Variants in AUTS2 observed in about 807,000 individuals in gnomAD.
AUTS2 encodes activator of transcription and developmental regulator AUTS2, also known as autism susceptibility gene 2 protein.
A neutral mutation model predicts 112.4 loss-of-function variants in AUTS2; 17 were observed. The observed-to-expected ratio is 0.15, with a 90% CI of 0.10 to 0.23. AUTS2 has a LOEUF of 0.23. Ranked by LOEUF, AUTS2 falls within the 10% of genes least tolerant of loss-of-function variation. AUTS2 has a pLI of 1.00. For synonymous variants in AUTS2, 751 were observed against 702.7 expected (o/e 1.07, Z -1.09); for missense variants, 1,510 against 1,701.6 (o/e 0.89, Z 1.98).
intron 4 of AUTS2, among the ~76,000 whole-genome samples, chr7:70,422,482 T>G (rs890181057): frequency 6.6e-6 from 1 of 152,122 alleles, no homozygotes; most frequent in Non-Finnish European, 1.5e-5. Context: ...CACCTCAAAA[T>G]TATATCCATG....
intron 4 of AUTS2, among the ~76,000 whole-genome samples, chr7:70,326,017 T>C (rs1008179688): frequency 1.3e-5 from 2 of 152,214 alleles, no homozygotes; most frequent in Non-Finnish European, 2.9e-5. Context: ...CTTCAGTTTC[T>C]CTGCCTGCTT....
intron 2 of AUTS2, among the ~76,000 whole-genome samples, chr7:70,093,181 A>T (rs2129568036): frequency 6.6e-6 from 1 of 152,232 alleles, no homozygotes; most frequent in Admixed American, 6.5e-5. Flanking sequence ...TTTCAGACAG[A>T]TCAATTACTT....
At chr7:70,492,231 A>G (rs1798278346) in intron 5 of AUTS2, among the ~76,000 whole-genome samples, 2 of 152,084 alleles carry the variant, frequency 1.3e-5, no homozygotes, top group East Asian at 1.9e-4. Context: ...AGGTCCTCCA[A>G]ACTTCCAAGA....
chr7:69,668,917 C>A (rs898981954), intron 1 of AUTS2, among the ~76,000 whole-genome samples: 24 of 151,876 alleles, frequency 1.6e-4, no homozygotes, highest in African/African-American at 5.6e-4. Context: ...ATGTAAAAAT[C>A]ATTTGTTGGT....
intron 1 of AUTS2, among the ~76,000 whole-genome samples, chr7:69,723,602 CTGGTATTA>C (rs1799077997): frequency 6.6e-6 from 1 of 152,094 alleles, no homozygotes; most frequent in Non-Finnish European, 1.5e-5. Context: ...AGACTAAGGA[CTGGTATTA>C]TGGATTCTCT....
At chr7:70,554,393 C>CTTTTTTTTTTTTTT (rs34757734) in intron 5 of AUTS2, among the ~76,000 whole-genome samples, 17 of 116,042 alleles carry the variant, frequency 1.5e-4, no homozygotes, top group Non-Finnish European at 2.3e-4. Context: ...TCTTTTCTTT[C>CTTTTTTTTTTTTTT]TTTTTTTTTT....
chr7:70,748,814 T>C (rs895050504), intron 6 of AUTS2, among the ~76,000 whole-genome samples: 2 of 152,226 alleles, frequency 1.3e-5, no homozygotes, highest in Non-Finnish European at 2.9e-5. Flanking sequence ...TTTGTTCTCC[T>C]GTGAGGCAGC....
intron 2 of AUTS2, among the ~76,000 whole-genome samples, chr7:69,934,327 C>CAG: frequency 6.6e-6 from 1 of 152,232 alleles, no homozygotes; most frequent in Non-Finnish European, 1.5e-5. Flanking sequence ...ATGTTCCTGT[C>CAG]ACAGCATGTG....
intron 2 of AUTS2, among the ~76,000 whole-genome samples, chr7:70,083,238 T>G (rs1044380223): frequency 6.6e-6 from 1 of 152,142 alleles, no homozygotes; most frequent in African/African-American, 2.4e-5. Context: ...CCCACGAGTT[T>G]CCTCTCACTG....
chr7:70,693,726 T>A (rs537882123), intron 5 of AUTS2, among the ~76,000 whole-genome samples: 2 of 152,344 alleles, frequency 1.3e-5, no homozygotes, highest in Admixed American at 1.3e-4. Flanking sequence ...ACTGGCTTGG[T>A]GGCAATTCAA....
chr7:70,714,823 A>G lies in AUTS2; in HGVS notation c.742+16203A>G, dbSNP rs144893292. ...GGCAAGAAAACTTCATAGGCATTGCAACGAACCTCATGTTGCCTCACATCT... is the reference window on the plus strand; with the variant it reads ...GGCAAGAAAACTTCATAGGCATTGCGACGAACCTCATGTTGCCTCACATCT... On this transcript the variant is annotated intron_variant, in intron 6 of 18. Transcript: ENST00000342771. 1.9e-3 allele frequency among the ~76,000 whole-genome samples: 285 copies of G among 152,354 alleles called. 2 individuals carry two copies. The highest frequency in any genetic ancestry group is 3.0e-3 in the Admixed American group (46 of 15,304).
chr7:69,665,135 C>A (rs1014382), intron 1 of AUTS2, among the ~76,000 whole-genome samples: 108,226 of 151,928 alleles, frequency 0.71, 38,612 homozygotes, highest in East Asian at 0.78. Flanking sequence ...TCTGTCACTC[C>A]TCCCTCTCCC....
intron 5 of AUTS2, among the ~76,000 whole-genome samples, chr7:70,447,518 A>G (rs1008099290): frequency 5.9e-5 from 9 of 152,260 alleles, no homozygotes; most frequent in Admixed American, 4.6e-4. Context: ...ATTATCCCCC[A>G]TTTACAGAGG....
chr7:70,046,634 G>A (rs1485647235), intron 2 of AUTS2, among the ~76,000 whole-genome samples: 1 of 152,138 alleles, frequency 6.6e-6, no homozygotes, highest in African/African-American at 2.4e-5. Flanking sequence ...TCATTTATTG[G>A]AACATATGAT....
intron 4 of AUTS2, among the ~76,000 whole-genome samples, chr7:70,325,229 C>G (rs1409282361): frequency 6.6e-6 from 1 of 151,932 alleles, no homozygotes; most frequent in African/African-American, 2.4e-5. Flanking sequence ...GAGACTGAGG[C>G]GGGAGCATCG....
At chr7:69,977,833 A>G (rs1798123227) in intron 2 of AUTS2, among the ~76,000 whole-genome samples, 1 of 152,116 alleles carries the variant, frequency 6.6e-6, no homozygotes, top group African/African-American at 2.4e-5. Flanking sequence ...AGACCTATAA[A>G]ATGAAAACTC....
chr7:69,885,575 C>T (rs941891174), intron 1 of AUTS2, among the ~76,000 whole-genome samples: 3 of 152,122 alleles, frequency 2.0e-5, no homozygotes, highest in African/African-American at 7.2e-5. Context: ...CTAATCTTGG[C>T]ACTTAGAAAT....
intron 4 of AUTS2, among the ~76,000 whole-genome samples, chr7:70,338,703 C>T (rs1372612956): frequency 6.6e-6 from 1 of 152,118 alleles, no homozygotes; most frequent in Non-Finnish European, 1.5e-5. Flanking sequence ...CTGGAGAGGA[C>T]ATGTGGTTTC....
intron 2 of AUTS2, among the ~76,000 whole-genome samples, chr7:69,902,891 C>T (rs560268824): frequency 7.2e-5 from 11 of 152,210 alleles, no homozygotes; most frequent in African/African-American, 2.6e-4. Flanking sequence ...TGAGGTGGCA[C>T]CTGTCTTGGC....
Sources: gnomAD v4.1 joint callset for allele counts (sites outside exome capture counted in the v4.1 genomes callset) on GRCh38, gnomAD v4.1.1 for gene constraint, MANE v1.5 for transcripts, NCBI Gene and HGNC (gene_info 2026-07-23, HGNC 2026-07-21) for gene names.